Variants in SHKBP1 observed in about 807,000 individuals in gnomAD.
SHKBP1 encodes the protein SH3KBP1 binding protein 1, also known as SH3KBP1-binding protein 1.
In SHKBP1, 71 loss-of-function variants were observed where a neutral mutation model predicts 83.9. The observed-to-expected ratio is 0.85, with a 90% CI of 0.70 to 1.03. The LOEUF (loss-of-function observed/expected upper bound fraction) is 1.03. Ranked by LOEUF, SHKBP1 falls within the 50% of genes least tolerant of loss-of-function variation. SHKBP1 has a pLI of 0.00. For missense variants in SHKBP1, 824 were observed against 982.4 expected (o/e 0.84, Z 2.16); for synonymous variants, 371 against 398.0 (o/e 0.93, Z 0.81).
intron 14 of SHKBP1, 29 bp downstream of exon 14, chr19:40,588,808 C>A (rs1314648850): frequency 6.2e-7 from 1 of 1,608,386 alleles, no homozygotes; most frequent in African/African-American, 1.3e-5. Context: ...CCTTCCCACC[C>A]CACTGACCCC....
In SHKBP1 at chr19:40,591,107, C is replaced by T. The variant is rs2081356704; in HGVS notation, c.2024C>T (p.Pro675Leu). 27 of 1,610,732 alleles carry T rather than the reference C, an allele frequency of 1.7e-5. No homozygotes were observed. Among genetic ancestry groups the T allele is most frequent in the Non-Finnish European group, 1.9e-5 (22 of 1,177,420 alleles). ...ERCQELVRSG[P>L]DLRRPPTPAP... Reference sequence around the variant, plus strand: ...TGCCAGGAACTGGTGCGGAGTGGGCCAGACCTCCGACGGCCACCCACACCA... The same window carrying T: ...TGCCAGGAACTGGTGCGGAGTGGGCTAGACCTCCGACGGCCACCCACACCA... Residue 675 changes from proline to leucine, a missense_variant, in exon 18 of 18, where the codon CCA becomes CTA. Coordinates refer to ENST00000291842, the MANE Select transcript of SHKBP1 (RefSeq NM_138392.4).
rs371175834 is a variant in SHKBP1 at position 40,586,891 on chromosome 19, T to C, written c.1283T>C (p.Val428Ala). The C allele has an allele frequency of 6.2e-7, 1 of 1,612,012 alleles. No individual in the cohort carries two copies. The highest frequency in any genetic ancestry group is 1.3e-5 in the African/African-American group (1 of 74,896). The stretch of plus-strand genomic sequence containing the variant: ...CCTCAGCTCTTCCAGACCTTCACTG[T>C]GCACCGCAGCCCTGTCACCAAGATC... ...SGPQLFQTFTVHRSPVTKIML... is the reference protein window; with the variant it reads ...SGPQLFQTFTAHRSPVTKIML... Residue 428 changes from valine (V) to alanine (A), a missense_variant, in exon 13 of 18, where the codon GTG becomes GCG. Coordinates refer to ENST00000291842, the MANE Select transcript of SHKBP1 (RefSeq NM_138392.4).
chr19:40,587,952 G>A (rs1168783272), intron 13 of SHKBP1, among the ~76,000 whole-genome samples: 1 of 152,154 alleles, frequency 6.6e-6, no homozygotes, highest in Non-Finnish European at 1.5e-5. Flanking sequence ...AATGATAAGG[G>A]CTATGAATAA....
intron 12 of SHKBP1, 130 bp downstream of exon 12, chr19:40,583,847 A>AC: frequency 1.5e-6 from 1 of 663,050 alleles, no homozygotes; most frequent in Non-Finnish European, 2.7e-6. Context: ...ACTCTCTCTC[A>AC]TTTTTTTTTC....
chr19:40,581,600 C>CT (rs1462777187), intron 9 of SHKBP1, among the ~76,000 whole-genome samples: 1 of 151,894 alleles, frequency 6.6e-6, no homozygotes, highest in Non-Finnish European at 1.5e-5. Context: ...AGTTCCAGCA[C>CT]TTTGGGAGGC....
chr19:40,577,170 G>A, intron 1 of SHKBP1, 61 bp from the exon 2 acceptor site: 2 of 1,588,402 alleles, frequency 1.3e-6, no homozygotes, highest in Non-Finnish European at 1.7e-6. Context: ...CCTGCGGGAG[G>A]GGGACGCATT....
intron 6 of SHKBP1, among the ~76,000 whole-genome samples, chr19:40,578,804 A>G (rs1041909156): frequency 6.6e-6 from 1 of 151,982 alleles, no homozygotes; most frequent in Non-Finnish European, 1.5e-5. Flanking sequence ...GTTTCTTTGT[A>G]GGGGGGGCTT....
rs888194422 is a variant in SHKBP1 at position 40,590,092 on chromosome 19, G to C, written c.1590-152G>C. ...GGGCTGCGGTGTCCAAGAGCTGCTG[G>C]ACCCTTGGGACTGGAACTCAAAAGC... On this transcript the variant is annotated intron_variant, in intron 15 of 17. Transcript: ENST00000291842. This position sits in a 1 kb window ranked among gnomAD's most constrained non-coding sequence, Gnocchi z 4.6. The C allele has an allele frequency of 2.9e-5, 24 of 827,358 alleles. No homozygotes were observed. Among genetic ancestry groups the C allele is most frequent in the Non-Finnish European group, 4.4e-5 (24 of 549,216 alleles). 51.3% of individuals were successfully genotyped at this position (827,358 alleles called of 1,614,324 possible).
Position 40,580,318 on chromosome 19 carries a change from C to T in SHKBP1, c.401-6C>T. On this transcript the variant is annotated splice_region_variant and splice_polypyrimidine_tract_variant and intron_variant, in intron 6 of 17. Coordinates refer to ENST00000291842, the MANE Select transcript of SHKBP1 (RefSeq NM_138392.4). ...ACTGTTACTCTACCTCTTATTCTCA[C>T]TGTAGTGTTCCCAGTGAAGCGGCGG... 1 of 1,612,484 alleles carries T rather than the reference C, an allele frequency of 6.2e-7. No individual in the cohort carries two copies. Among genetic ancestry groups the T allele is most frequent in the Non-Finnish European group, 8.5e-7 (1 of 1,178,792 alleles).
chr19:40,581,180 G>A (rs557993416), intron 9 of SHKBP1, among the ~76,000 whole-genome samples: 1 of 152,176 alleles, frequency 6.6e-6, no homozygotes, highest in Non-Finnish European at 1.5e-5. Flanking sequence ...AGATCTCTTG[G>A]TTTTGTTAGA....
chr19:40,586,993 G>A (rs1408744306), intron 13 of SHKBP1, 49 bp downstream of exon 13: 1 of 1,503,086 alleles, frequency 6.7e-7, no homozygotes, highest in Non-Finnish European at 9.0e-7. Context: ...GCTCAGATGG[G>A]AGTGTGGAGA....
chr19:40,579,517 A>G (rs1177875568), intron 6 of SHKBP1, among the ~76,000 whole-genome samples: 1 of 152,026 alleles, frequency 6.6e-6, no homozygotes, highest in African/African-American at 2.4e-5. Context: ...AAAAAAAATT[A>G]GCCAGGTGTG....
chr19:40,584,727 T>A (rs2081297734), intron 12 of SHKBP1, among the ~76,000 whole-genome samples: 1 of 152,112 alleles, frequency 6.6e-6, no homozygotes, highest in Non-Finnish European at 1.5e-5. Flanking sequence ...GTTCAAGCGA[T>A]TCTCATGCCT....
chr19:40,589,156 C>T lies in SHKBP1; in HGVS notation c.1567C>T (p.Arg523Cys), dbSNP rs140680179. ...GCCCAGTGCCAGCCAGCTCTTCGTG[C>T]GTCTCTCATCTACTGGGCAGCGGTG... The part of the protein sequence containing the change: ...VVPSASQLFV[R>C]LSSTGQRVCS... Residue 523 changes from arginine (R) to cysteine (C), a missense_variant, in exon 15 of 18, where the codon CGT becomes TGT. This residue lies in a region of SHKBP1 where 287 missense variants were observed against 322.9 expected (regional missense o/e 0.89). Coordinates refer to ENST00000291842, the MANE Select transcript of SHKBP1 (RefSeq NM_138392.4). 9 of 1,612,714 alleles carry T rather than the reference C, an allele frequency of 5.6e-6. No homozygotes were observed. The highest frequency in any genetic ancestry group is 3.3e-5 in the Admixed American group (2 of 59,898).
rs755319424 is a variant in SHKBP1 at position 40,578,452 on chromosome 19, C to A, written c.320-10C>A. On this transcript the variant is annotated splice_polypyrimidine_tract_variant and intron_variant, in intron 5 of 17. Transcript: ENST00000291842. Reference sequence around the variant, plus strand: ...CCCTAAGTCCCAGCCTTTAAGTCCTCCTGTTGCAGTTCGTCGCCTGCAGCT... The same window carrying A: ...CCCTAAGTCCCAGCCTTTAAGTCCTACTGTTGCAGTTCGTCGCCTGCAGCT... The A allele has an allele frequency of 6.2e-7, 1 of 1,614,106 alleles. No individual in the cohort carries two copies. Among genetic ancestry groups the A allele is most frequent in the South Asian group, 1.1e-5 (1 of 91,074 alleles).
In SHKBP1 at chr19:40,576,909, G is replaced by A; in HGVS notation, c.10G>A (p.Ala4Thr). The A allele has an allele frequency of 8.8e-6, 13 of 1,470,266 alleles. No individual in the cohort carries two copies. The highest frequency in any genetic ancestry group is 1.2e-5 in the Non-Finnish European group (13 of 1,114,456). 91.1% of individuals were successfully genotyped at this position (1,470,266 alleles called of 1,614,324 possible). ...GGCTCGCCCGGGGGCCATGGCAGCA[G>A]CGGCTACTGCAGCCGAGGGGGTCCC... MAAAATAAEGVPSR... is the reference protein window; with the variant it reads MAATATAAEGVPSR... The change falls in exon 1 of 18, where the codon GCG (alanine) becomes ACG (threonine). Residue 4 changes from alanine (A) to threonine (T), a missense_variant. Physicochemically the swap from Ala to Thr is moderately conservative, Grantham distance 58. Transcript: ENST00000291842.
chr19:40,584,874 G>C (rs2145988630), intron 12 of SHKBP1, among the ~76,000 whole-genome samples: 1 of 152,242 alleles, frequency 6.6e-6, no homozygotes, highest in Middle Eastern at 3.4e-3. Flanking sequence ...GCCTGTTCTG[G>C]ACAATTCCTG....
In SHKBP1 at chr19:40,586,794, G is replaced by A. The variant is rs773864318; in HGVS notation, c.1186G>A (p.Glu396Lys). The change falls in exon 13 of 18, where the codon GAG (glutamate) becomes AAG (lysine). Residue 396 changes from glutamate to lysine, a missense_variant. Around this residue, in one of 3 missense-constraint regions of SHKBP1, gnomAD observed 182 missense variants for 273.1 expected, o/e 0.67. Coordinates refer to ENST00000291842, the MANE Select transcript of SHKBP1 (RefSeq NM_138392.4). ...ACCAGGTGACAGTGGGAACTGGATC[G>A]AGATCGCCTATGGCACCAGCTCAGG... ...PKTSDSGNWI[E>K]IAYGTSSGGV... The A allele has an allele frequency of 1.4e-5, 22 of 1,594,592 alleles. No individual in the cohort carries two copies. Among genetic ancestry groups the A allele is most frequent in the South Asian group, 8.9e-5 (8 of 89,722 alleles).
intron 4 of SHKBP1, chr19:40,577,870 C>G (rs2081232082): frequency 1.6e-6 from 1 of 616,914 alleles, no homozygotes; most frequent in Non-Finnish European, 2.8e-6. Flanking sequence ...AGCGAGACCC[C>G]TTCTCTAAAA....
Sources: allele counts gnomAD v4.1 joint callset (sites outside exome capture counted in the v4.1 genomes callset), GRCh38; gene constraint gnomAD v4.1.1; regional missense constraint gnomAD v4.1.1; non-coding constraint Gnocchi (gnomAD v3.1); transcripts MANE v1.5; gene names NCBI Gene and HGNC (gene_info 2026-07-23, HGNC 2026-07-21).